PLEKHG4: variants seen among roughly 807,000 people sequenced by gnomAD.
PLEKHG4 encodes the protein puratrophin-1.
PLEKHG4 carries 85 observed loss-of-function variants against 136.9 expected under a neutral mutation model. The observed-to-expected ratio is 0.62, with a 90% CI of 0.52 to 0.74. The LOEUF (loss-of-function observed/expected upper bound fraction) is 0.74, where lower values mean the gene tolerates loss of function less well. Among genes scored for constraint, PLEKHG4 ranks in the 30% least tolerant of loss-of-function variants. PLEKHG4 has a pLI of 0.00. For missense variants in PLEKHG4, 1,317 were observed against 1,527.8 expected (o/e 0.86, Z 2.30); for synonymous variants, 577 against 646.9 (o/e 0.89, Z 1.64).
At chr16:67,279,696 C>T (rs897444300) in intron 1 of PLEKHG4, 70 bp downstream of exon 1, 5 of 226,002 alleles carry the variant, frequency 2.2e-5, no homozygotes, top group Non-Finnish European at 4.4e-5. Flanking sequence ...CCTGGGGGGG[C>T]CGGCAGGAGA....
At position 67,280,959 on chromosome 16, in the gene PLEKHG4, A is replaced by G; in HGVS notation, c.673A>G (p.Ser225Gly). ...AGCCTGGCTTCAGTCTGAGTGCAGCAGCCAGGAACTCATCCGCCTCCTGCT... is the reference window on the plus strand; with the variant it reads ...AGCCTGGCTTCAGTCTGAGTGCAGCGGCCAGGAACTCATCCGCCTCCTGCT... ...SPAWLQSECS[S>G]QELIRLLLYL... Residue 225 changes from serine (S) to glycine (G), a missense_variant, in exon 4 of 22, where the codon AGC becomes GGC. Physicochemically the swap from Ser to Gly is moderately conservative, Grantham distance 56. Coordinates refer to ENST00000379344, the MANE Select transcript of PLEKHG4 (RefSeq NM_001129729.3). This position sits in a 1 kb window ranked among gnomAD's most constrained non-coding sequence, Gnocchi z 4.4. The G allele has an allele frequency of 6.2e-7, 1 of 1,613,662 alleles. No homozygotes were observed. Among genetic ancestry groups the G allele is most frequent in the Admixed American group, 1.7e-5 (1 of 60,024 alleles).
chr16:67,282,034 G>T lies in PLEKHG4; in HGVS notation c.1031G>T (p.Cys344Phe), dbSNP rs917576712. The T allele has an allele frequency of 1.2e-6, 2 of 1,613,372 alleles. No individual in the cohort carries two copies. Among genetic ancestry groups the T allele is most frequent in the Non-Finnish European group, 1.7e-6 (2 of 1,179,948 alleles). Reference protein sequence around the residue: ...RRRLEALLQNCQAACALLQGA... With the variant: ...RRRLEALLQNFQAACALLQGA... ...CGGCTGGAAGCTCTACTACAGAACT[G>T]CCAGGCAGCTTGTGCCCTGCTCCAG... Residue 344 changes from cysteine (C) to phenylalanine (F), a missense_variant, in exon 8 of 22, where the codon TGC becomes TTC. By Grantham distance (205) the Cys-to-Phe change is radical. Coordinates refer to ENST00000379344, the MANE Select transcript of PLEKHG4 (RefSeq NM_001129729.3).
chr16:67,280,865 C>T lies in PLEKHG4; in HGVS notation c.596-17C>T. ...AGTGGCCCAATACGGCAGGAGTTCA[C>T]TGCTTCCTCCCCACAGGGACTCGGG... On this transcript the variant is annotated splice_polypyrimidine_tract_variant and intron_variant, in intron 3 of 21. Transcript: ENST00000379344. This position sits in a 1 kb window ranked among gnomAD's most constrained non-coding sequence, Gnocchi z 4.4. 5 of 1,613,212 alleles carry T rather than the reference C, an allele frequency of 3.1e-6. No individual in the cohort carries two copies. The highest frequency in any genetic ancestry group is 4.2e-6 in the Non-Finnish European group (5 of 1,180,036).
intron 1 of PLEKHG4, 80 bp downstream of exon 1, chr16:67,279,706 A>G (rs1293631810): frequency 8.4e-6 from 2 of 236,946 alleles, no homozygotes; most frequent in African/African-American, 2.3e-5. Flanking sequence ...CCGGCAGGAG[A>G]GCGAACCCGA....
At position 67,280,056 on chromosome 16, in the gene PLEKHG4, C is replaced by T. The variant is rs2036139118; in HGVS notation, c.12C>T (p.Pro4=). 1 of 1,613,238 alleles carries T rather than the reference C, an allele frequency of 6.2e-7. No individual in the cohort carries two copies. Among genetic ancestry groups the T allele is most frequent in the Non-Finnish European group, 8.5e-7 (1 of 1,179,748 alleles). The change falls in exon 2 of 22, where the codon CCC becomes CCT. Residue 4 remains proline, a synonymous_variant. Coordinates refer to ENST00000379344, the MANE Select transcript of PLEKHG4 (RefSeq NM_001129729.3). The surrounding 1 kb of genome is among the most constrained non-coding windows in gnomAD (Gnocchi z 4.4). The stretch of plus-strand genomic sequence containing the variant: ...TTTAGGAGGGCGTGATGGAAAGGCC[C>T]CTGGAGAATGGGGATGAGTCCCCAG... MER[P]LENGDESPDS...
At position 67,284,151 on chromosome 16, in the gene PLEKHG4, G is replaced by A. The variant is rs1040607962; in HGVS notation, c.1510-124G>A. The A allele has an allele frequency of 9.1e-6, 7 of 768,468 alleles. No individual in the cohort carries two copies. Among genetic ancestry groups the A allele is most frequent in the South Asian group, 5.3e-5 (3 of 56,132 alleles). 47.6% of individuals were successfully genotyped at this position (768,468 alleles called of 1,614,324 possible). A position where few individuals can be genotyped will look rare whatever the true frequency, so the allele number is the denominator to read the frequency against. ...GATGTGGGTGGGGAGTAGGAGATAC[G>A]GGTAGATGTTCCACCACAGGACAGA... On this transcript the variant is annotated intron_variant, in intron 11 of 21. Coordinates refer to ENST00000379344, the MANE Select transcript of PLEKHG4 (RefSeq NM_001129729.3). The surrounding 1 kb of genome is among the most constrained non-coding windows in gnomAD (Gnocchi z 4.4).
rs767202955 is a variant in PLEKHG4, at chr16:67,285,305, G to A, written c.2211G>A (p.Leu737=). The change falls in exon 14 of 22, where the codon CTG becomes CTA. Residue 737 remains leucine (L), a synonymous_variant. Coordinates refer to ENST00000379344, the MANE Select transcript of PLEKHG4 (RefSeq NM_001129729.3). ...TACCTGGTAGGCTACAGCTGGTGCT[G>A]GCAGAGATGGTGGCCACGGAGCGGG... The part of the protein sequence containing the change: ...PRSLNRLQLV[L]AEMVATEREY... 1 of 1,614,134 alleles carries A rather than the reference G, an allele frequency of 6.2e-7. No homozygotes were observed. The highest frequency in any genetic ancestry group is 2.2e-5 in the East Asian group (1 of 44,886).
At position 67,286,428 on chromosome 16, in the gene PLEKHG4, C is replaced by T. The variant is rs529612920; in HGVS notation, c.2533-17C>T. ...GAGTGCCCCCAAACCACTCAGTGGC[C>T]TCCCATCCGCCCACAGGACAAGCAG... On this transcript the variant is annotated splice_polypyrimidine_tract_variant and intron_variant, in intron 15 of 21. Coordinates refer to ENST00000379344, the MANE Select transcript of PLEKHG4 (RefSeq NM_001129729.3). 1.9e-6 allele frequency: 3 copies of T among 1,612,598 alleles called. No homozygotes were observed. The African/African-American group carries it at 4.0e-5, about 21-fold the overall frequency.
Position 67,288,312 on chromosome 16 carries a change from T to G in PLEKHG4, c.3366T>G (p.Leu1122=), listed in dbSNP as rs1389831672. 6.2e-7 allele frequency: 1 copy of G among 1,612,032 alleles called. No homozygotes were observed. Among genetic ancestry groups the G allele is most frequent in the Non-Finnish European group, 8.5e-7 (1 of 1,179,446 alleles). The change falls in exon 20 of 22, where the codon CTT becomes CTG. Residue 1122 remains leucine (L), a synonymous_variant. Transcript: ENST00000379344. Reference sequence around the variant, plus strand: ...TGCACCTGTACAGAGACCCAGCTCTTCTGGGTCTCCGCTGTCCCCTGTATC... The same window carrying G: ...TGCACCTGTACAGAGACCCAGCTCTGCTGGGTCTCCGCTGTCCCCTGTATC... ...LNLHLYRDPA[L]LGLRCPLYPS...
rs920941431 is a variant in PLEKHG4 at position 67,280,601 on chromosome 16, AG to A, written c.499+59del. 1.1e-5 allele frequency: 17 copies of A among 1,612,428 alleles called. No homozygotes were observed. Among genetic ancestry groups the A allele is most frequent in the Non-Finnish European group, 1.3e-5 (15 of 1,179,196 alleles). ...GGGAATGGGGATGCCTGGAGAGATGAGTGTCAAGACTTTGGAGGTCTCTGAC... is the reference window on the plus strand; with the variant it reads ...GGGAATGGGGATGCCTGGAGAGATGATGTCAAGACTTTGGAGGTCTCTGAC... On this transcript the variant is annotated intron_variant, in intron 2 of 21. Transcript: ENST00000379344. This position sits in a 1 kb window ranked among gnomAD's most constrained non-coding sequence, Gnocchi z 4.4.
At chr16:67,287,497 T>C in intron 18 of PLEKHG4, 1 of 504,310 alleles carries the variant, frequency 2.0e-6, no homozygotes. Flanking sequence ...CCTCCTGAGC[T>C]CAAGCATTCT....
At position 67,280,488 on chromosome 16, in the gene PLEKHG4, C is replaced by T. The variant is rs749535322; in HGVS notation, c.444C>T (p.Ser148=). 7.5e-6 allele frequency: 12 copies of T among 1,605,856 alleles called. No individual in the cohort carries two copies. Among genetic ancestry groups the T allele is most frequent in the East Asian group, 2.2e-5 (1 of 44,820 alleles). ...GCTTGAGCCCTGGGGCATTGGACAG[C>T]GACCCTGTGGGCCTTGGAGACCCTT... ...PSGLSPGALD[S]DPVGLGDPLS... is the part of the protein sequence containing the mutation. The change falls in exon 2 of 22, where the codon AGC becomes AGT. Residue 148 remains serine, a synonymous_variant. Coordinates refer to ENST00000379344, the MANE Select transcript of PLEKHG4 (RefSeq NM_001129729.3). This position sits in a 1 kb window ranked among gnomAD's most constrained non-coding sequence, Gnocchi z 4.4.
Position 67,288,018 on chromosome 16 carries a change from G to T in PLEKHG4, c.3220+4G>T. ...AACTATGTCCTGAAGTGCCGAGGTA[G>T]CAGGCAGGCTACAGGGTGTGGGGGT... is the stretch of plus-strand genomic sequence containing the variant. On this transcript the variant is annotated splice_donor_region_variant and intron_variant, in intron 19 of 21. Transcript: ENST00000379344. The T allele has an allele frequency of 6.2e-7, 1 of 1,602,206 alleles. No individual in the cohort carries two copies. Among genetic ancestry groups the T allele is most frequent in the South Asian group, 1.1e-5 (1 of 90,824 alleles).
rs191031450 is a variant in PLEKHG4, at chr16:67,287,904, G to A, written c.3110G>A (p.Arg1037His). Residue 1037 changes from arginine (R) to histidine (H), a missense_variant, in exon 19 of 22, where the codon CGC becomes CAC. Physicochemically the swap from Arg to His is conservative, Grantham distance 29. Transcript: ENST00000379344. ...WRQAVHNKEV[R>H]MAEMVSMGVG... ...ATGTCCACTCTCCACCCAGAGGTGC[G>A]CATGGCTGAGATGGTGTCCATGGGT... 8.7e-6 allele frequency: 14 copies of A among 1,607,248 alleles called. No homozygotes were observed. The South Asian group carries it at 1.1e-4, about 13-fold the overall frequency.
At chr16:67,281,045 T>G (rs1567432713) in intron 4 of PLEKHG4, 40 bp downstream of exon 4, 2 of 1,613,976 alleles carry the variant, frequency 1.2e-6, no homozygotes, top group Non-Finnish European at 8.5e-7. Flanking sequence ...CTGAGCCAGC[T>G]GTGAGGACTG....
chr16:67,287,739 T>G, intron 18 of PLEKHG4, 159 bp from the exon 19 acceptor site: 11 of 690,304 alleles, frequency 1.6e-5, no homozygotes, highest in East Asian at 5.6e-5. Flanking sequence ...CCCCACAGGA[T>G]TGTTGGGAGG....
At position 67,287,989 on chromosome 16, in the gene PLEKHG4, C is replaced by T. The variant is rs115500604; in HGVS notation, c.3195C>T (p.Thr1065=). ...APSEEAINDR[T]VNYVLKCREV... is the part of the protein sequence containing the mutation. ...GCGAGGAAGCCATCAACGACCGCACCGTCAACTATGTCCTGAAGTGCCGAG... is the reference window on the plus strand; with the variant it reads ...GCGAGGAAGCCATCAACGACCGCACTGTCAACTATGTCCTGAAGTGCCGAG... The change falls in exon 19 of 22, where the codon ACC becomes ACT. Residue 1065 remains threonine, a synonymous_variant. Coordinates refer to ENST00000379344, the MANE Select transcript of PLEKHG4 (RefSeq NM_001129729.3). 866 of 1,613,104 alleles carry T rather than the reference C, an allele frequency of 5.4e-4. 3 individuals carry two copies. The African/African-American group carries it at 0.01, about 19-fold the overall frequency.
Position 67,287,108 on chromosome 16 carries a change from C to G in PLEKHG4, c.3034C>G (p.Leu1012Val). The change falls in exon 18 of 22, where the codon CTG becomes GTG. Residue 1012 changes from leucine (L) to valine (V), a missense_variant. By Grantham distance (32) the Leu-to-Val change is conservative. Transcript: ENST00000379344. The stretch of plus-strand genomic sequence containing the variant: ...CACCTTTGTGCTGCAGGCCTCCAGC[C>G]TGGCTATCAAGCAGGCCTGGACAGC... ...RDTFVLQASS[L>V]AIKQAWTADI... 1.2e-6 allele frequency: 2 copies of G among 1,612,632 alleles called. No individual in the cohort carries two copies. The highest frequency in any genetic ancestry group is 1.1e-5 in the South Asian group (1 of 91,090).
rs1223817820 is a variant in PLEKHG4, at chr16:67,281,008, T to C, written c.719+3T>C. ...CTGTACCTGCGAAGCATCCCCAGGT[T>C]TGAGGGAGGGGGTTGGGAGACTGAG... is the stretch of plus-strand genomic sequence containing the variant. On this transcript the variant is annotated splice_donor_region_variant and intron_variant, in intron 4 of 21. Transcript: ENST00000379344. 6.2e-7 allele frequency: 1 copy of C among 1,614,042 alleles called. No individual in the cohort carries two copies. The highest frequency in any genetic ancestry group is 1.1e-5 in the South Asian group (1 of 91,084).
Sources: gnomAD v4.1 joint callset for allele counts on GRCh38, gnomAD v4.1.1 for gene constraint, Gnocchi (gnomAD v3.1) non-coding constraint, MANE v1.5 for transcripts, NCBI Gene and HGNC (gene_info 2026-07-23, HGNC 2026-07-21) for gene names.